The following SMIM13 variants were observed in gnomAD, a reference collection of about 807,000 sequenced individuals.
SMIM13 encodes UPF0766 protein C6orf228.
In SMIM13, 3 loss-of-function variants were observed where a neutral mutation model predicts 5.9. That is an observed-to-expected ratio of 0.51 (90% confidence interval 0.23 to 1.31). The LOEUF (loss-of-function observed/expected upper bound fraction) is 1.31, where lower values mean the gene tolerates loss of function less well. SMIM13 is among the 40% of genes most tolerant of loss of function. The probability of loss-of-function intolerance (pLI) is 0.18; values close to 1 mark genes in which losing one functional copy is unlikely to be tolerated. For missense variants in SMIM13, 85 were observed against 109.9 expected (o/e 0.77, Z 1.01); for synonymous variants, 55 against 46.0 (o/e 1.19, Z -0.79).
At chr6:11,128,438 A>G (rs1398489448) in intron 1 of SMIM13, among the ~76,000 whole-genome samples, 1 of 152,018 alleles carries the variant, frequency 6.6e-6, no homozygotes, top group Non-Finnish European at 1.5e-5. Flanking sequence ...CTCTCCTCAA[A>G]CAGAGGGAAG....
chr6:11,127,987 C>A (rs1040152551), intron 1 of SMIM13, among the ~76,000 whole-genome samples: 4 of 152,200 alleles, frequency 2.6e-5, no homozygotes, highest in Admixed American at 2.6e-4. Flanking sequence ...TTGGGGACAT[C>A]AGGAGGCTGC....
chr6:11,099,504 T>A (rs1402558626), intron 1 of SMIM13, among the ~76,000 whole-genome samples: 2 of 152,170 alleles, frequency 1.3e-5, no homozygotes, highest in Admixed American at 1.3e-4. Flanking sequence ...CCATCATCTG[T>A]CTCCCACACT....
chr6:11,110,091 C>T (rs1446098806), intron 1 of SMIM13, among the ~76,000 whole-genome samples: 1 of 152,188 alleles, frequency 6.6e-6, no homozygotes, highest in Non-Finnish European at 1.5e-5. Context: ...AAAGAAAGAA[C>T]AGAGGCGAGA....
chr6:11,106,858 A>T (rs1758091260), intron 1 of SMIM13, among the ~76,000 whole-genome samples: 1 of 152,192 alleles, frequency 6.6e-6, no homozygotes. Flanking sequence ...CCCATATTTA[A>T]TTTGAGTATC....
At chr6:11,121,567 C>G (rs527672777) in intron 1 of SMIM13, among the ~76,000 whole-genome samples, 2 of 152,138 alleles carry the variant, frequency 1.3e-5, no homozygotes, top group Admixed American at 6.5e-5. Context: ...AGGTGCCTCT[C>G]CCCCTCCCAA....
At chr6:11,103,982 AT>A (rs1468177686) in intron 1 of SMIM13, 1 of 1,551,504 alleles carries the variant, frequency 6.4e-7, no homozygotes. Context: ...TTCCTGATTG[AT>A]TTACCCAAAA....
rs560871755 is a variant in SMIM13 at position 11,138,197 on chromosome 6, A to G, written c.*3595A>G. ...TATTTGAGGTTGACTTTAAAAAGCC[A>G]TTGAGCAGTCCTCAGAGGTTATGGA... On this transcript the variant is annotated 3_prime_UTR_variant, in exon 2 of 2. Coordinates refer to ENST00000416247, the MANE Select transcript of SMIM13 (RefSeq NM_001135575.2). 14 of 152,328 alleles carry G rather than the reference A, an allele frequency of 9.2e-5. No individual in the cohort carries two copies. The highest frequency in any genetic ancestry group is 9.2e-4 in the Admixed American group (14 of 15,294). The allele number at this position is 152,328 out of a possible 1,614,324, so 9.4% of individuals were successfully genotyped here.
Position 11,134,458 on chromosome 6 carries a change from G to A in SMIM13, c.132G>A (p.Leu44=). The part of the protein sequence containing the change: ...FLSKFKFLRE[L]VGDTGSQEGD... ...CAAAATTCAAGTTTCTCCGGGAACT[G>A]GTGGGAGACACAGGATCCCAAGAGG... Residue 44 remains leucine, a synonymous_variant, in exon 2 of 2, where the codon CTG becomes CTA. Coordinates refer to ENST00000416247, the MANE Select transcript of SMIM13 (RefSeq NM_001135575.2). 1 of 1,551,226 alleles carries A rather than the reference G, an allele frequency of 6.4e-7. No individual in the cohort carries two copies. The highest frequency in any genetic ancestry group is 8.7e-7 in the Non-Finnish European group (1 of 1,146,682).
chr6:11,125,200 C>A (rs1049280012), intron 1 of SMIM13, among the ~76,000 whole-genome samples: 6 of 151,208 alleles, frequency 4.0e-5, no homozygotes, highest in African/African-American at 1.2e-4. Context: ...ATCACTTGAA[C>A]CCGGGAGGTG....
chr6:11,101,032 C>CTTTT (rs200622017), intron 1 of SMIM13, among the ~76,000 whole-genome samples: 1 of 127,500 alleles, frequency 7.8e-6, no homozygotes. Flanking sequence ...TCTCCATTTT[C>CTTTT]TTTTTTTTTT....
Position 11,135,831 on chromosome 6 carries a change from AG to A in SMIM13, c.*1230del, listed in dbSNP as rs1194434126. 1 of 152,268 alleles carries A rather than the reference AG, an allele frequency of 6.6e-6. No homozygotes were observed. The highest frequency in any genetic ancestry group is 1.5e-5 in the Non-Finnish European group (1 of 68,048). The allele number at this position is 152,268 out of a possible 1,614,324, so 9.4% of individuals were successfully genotyped here. The stretch of plus-strand genomic sequence containing the variant: ...CTGTGATATGAAAGCATTGTGTCAT[AG>A]TTTAATGGGCAGTGTTTTTTCTTAG... On this transcript the variant is annotated 3_prime_UTR_variant, in exon 2 of 2. Transcript: ENST00000416247.
intron 1 of SMIM13, among the ~76,000 whole-genome samples, chr6:11,098,511 C>A (rs1417212036): frequency 6.6e-6 from 1 of 152,210 alleles, no homozygotes; most frequent in Non-Finnish European, 1.5e-5. Flanking sequence ...TGGTTCACTG[C>A]AACTTCTACT....
chr6:11,101,421 C>A (rs1757989285), intron 1 of SMIM13, among the ~76,000 whole-genome samples: 1 of 152,168 alleles, frequency 6.6e-6, no homozygotes, highest in Non-Finnish European at 1.5e-5. Context: ...ATTTATCTTA[C>A]ATTGAGGTAC....
rs373531632 is a variant in SMIM13, at chr6:11,105,001, G to A, written c.76+10612G>A. The A allele has an allele frequency of 1.5e-5, 24 of 1,614,066 alleles. No homozygotes were observed. Among genetic ancestry groups the A allele is most frequent in the Middle Eastern group, 1.6e-4 (1 of 6,084 alleles). On this transcript the variant is annotated intron_variant, in intron 1 of 1. Coordinates refer to ENST00000416247, the MANE Select transcript of SMIM13 (RefSeq NM_001135575.2). Reference sequence around the variant, plus strand: ...GGTCCGAAAATGGGAGGTTTCTGGCGGATATCAGGGAAATCTTGCTTTACT... The same window carrying A: ...GGTCCGAAAATGGGAGGTTTCTGGCAGATATCAGGGAAATCTTGCTTTACT...
At chr6:11,105,466 G>A (rs1758071849) in intron 1 of SMIM13, 1 of 607,410 alleles carries the variant, frequency 1.6e-6, no homozygotes, top group Non-Finnish European at 2.9e-6. Flanking sequence ...ATGTTGGTGG[G>A]GCATTACTTA....
chr6:11,105,388 T>G, intron 1 of SMIM13: 1 of 1,106,828 alleles, frequency 9.0e-7, no homozygotes, highest in South Asian at 1.6e-5. Context: ...GTTAAAATAG[T>G]GATAACAATC....
In SMIM13 at chr6:11,104,003, T is replaced by G; in HGVS notation, c.76+9614T>G. Reference sequence around the variant, plus strand: ...ATTGATTTACCCAAAAGCAACATTTTTCATCTAAGGCCAAACAAATTCCTC... The same window carrying G: ...ATTGATTTACCCAAAAGCAACATTTGTCATCTAAGGCCAAACAAATTCCTC... On this transcript the variant is annotated intron_variant, in intron 1 of 1. Coordinates refer to ENST00000416247, the MANE Select transcript of SMIM13 (RefSeq NM_001135575.2). 4 of 1,551,730 alleles carry G rather than the reference T, an allele frequency of 2.6e-6. No homozygotes were observed. In the South Asian group the frequency reaches 4.8e-5, roughly 18 times the overall value.
intron 1 of SMIM13, among the ~76,000 whole-genome samples, chr6:11,100,954 C>G (rs1757983401): frequency 6.6e-6 from 1 of 150,788 alleles, no homozygotes; most frequent in Admixed American, 6.6e-5. Context: ...TTTTCTAGGT[C>G]CCTTCAGTTC....
chr6:11,134,827 T>C lies in SMIM13; in HGVS notation c.*225T>C, dbSNP rs1758499109. Reference sequence around the variant, plus strand: ...TTTTGTTTCACCAGCTTTCTACTTATACACTTATTCCTTGGCTTTTGGGCT... The same window carrying C: ...TTTTGTTTCACCAGCTTTCTACTTACACACTTATTCCTTGGCTTTTGGGCT... On this transcript the variant is annotated 3_prime_UTR_variant, in exon 2 of 2. Coordinates refer to ENST00000416247, the MANE Select transcript of SMIM13 (RefSeq NM_001135575.2). 2 of 356,274 alleles carry C rather than the reference T, an allele frequency of 5.6e-6. No homozygotes were observed. The highest frequency in any genetic ancestry group is 9.0e-5 in the East Asian group (2 of 22,208). 22.1% of individuals were successfully genotyped at this position (356,274 alleles called of 1,614,324 possible).
Sources: gnomAD v4.1 joint callset for allele counts (sites outside exome capture counted in the v4.1 genomes callset) on GRCh38, gnomAD v4.1.1 for gene constraint, MANE v1.5 for transcripts, NCBI Gene and HGNC (gene_info 2026-07-23, HGNC 2026-07-21) for gene names.